MRPL42: variants seen among roughly 807,000 people sequenced by gnomAD.
The protein encoded by MRPL42 is mitochondrial ribosomal protein L42.
MRPL42 carries 17 observed loss-of-function variants against 17.9 expected under a neutral mutation model. The ratio of observed to expected loss-of-function variants is 0.95; its 90% CI spans 0.65 to 1.42. The LOEUF is 1.42. Ranked by LOEUF, MRPL42 falls within the 40% of genes most tolerant of loss-of-function variation. MRPL42 has a pLI of 0.00. For missense variants in MRPL42, 177 were observed against 175.2 expected, an observed-to-expected ratio of 1.01 and a Z score of -0.06; for synonymous variants, 59 against 54.4, an observed-to-expected ratio of 1.08 and a Z score of -0.37.
At chr12:93,484,971 C>CATATAT in intron 4 of MRPL42, among the ~76,000 whole-genome samples, 2 of 33,618 alleles carry the variant, frequency 5.9e-5, no homozygotes, top group African/African-American at 9.9e-5. Flanking sequence ...AACACACACA[C>CATATAT]ACACACACAT....
rs1953324594 is a variant in MRPL42 at position 93,487,503 on chromosome 12, C to G, written c.226C>G (p.Pro76Ala). The stretch of plus-strand genomic sequence containing the variant: ...GTTACTGATTATTTTGTAGCCTATC[C>G]CTCGGCCAGATCCTGTGCATAATAA... ...DIPYEHTKPI[P>A]RPDPVHNNEE... The change falls in exon 5 of 6, where the codon CCT becomes GCT. Residue 76 changes from proline to alanine, a missense_variant. Pro to Ala is a conservative substitution (Grantham distance 27). Transcript: ENST00000549982. 6.2e-7 allele frequency: 1 copy of G among 1,609,736 alleles called. No individual in the cohort carries two copies. Among genetic ancestry groups the G allele is most frequent in the African/African-American group, 1.3e-5 (1 of 74,756 alleles).
intron 1 of MRPL42, among the ~76,000 whole-genome samples, chr12:93,468,850 A>G (rs2121151932): frequency 6.6e-6 from 1 of 152,314 alleles, no homozygotes; most frequent in South Asian, 2.1e-4. Flanking sequence ...CAGCCACACT[A>G]GCATTAAAAG....
At chr12:93,468,920 G>C (rs1357709145) in intron 1 of MRPL42, among the ~76,000 whole-genome samples, 1 of 152,164 alleles carries the variant, frequency 6.6e-6, no homozygotes, top group Non-Finnish European at 1.5e-5. Flanking sequence ...CACATTTACT[G>C]AGTATTCATT....
intron 4 of MRPL42, among the ~76,000 whole-genome samples, chr12:93,481,674 A>G (rs2121205873): frequency 6.6e-6 from 1 of 152,188 alleles, no homozygotes; most frequent in African/African-American, 2.4e-5. Context: ...TACATCAGCT[A>G]CCCACTTCCA....
At chr12:93,477,663 C>T (rs1880246642) in intron 3 of MRPL42, among the ~76,000 whole-genome samples, 1 of 152,022 alleles carries the variant, frequency 6.6e-6, no homozygotes, top group East Asian at 1.9e-4. Flanking sequence ...GTGGTGTGAT[C>T]TTGGCTCACT....
At chr12:93,500,948 A>C in intron 5 of MRPL42, 2 of 403,874 alleles carry the variant, frequency 5.0e-6, no homozygotes, top group Non-Finnish European at 9.0e-6. Context: ...CAGCCTGGGC[A>C]ATAAAGCAAG....
chr12:93,472,804 T>C (rs1246973551), intron 2 of MRPL42, among the ~76,000 whole-genome samples: 1 of 152,154 alleles, frequency 6.6e-6, no homozygotes, highest in Non-Finnish European at 1.5e-5. Flanking sequence ...TTTCAAAGCA[T>C]GTTAAGCCAT....
At chr12:93,472,173 A>G (rs73367718) in intron 2 of MRPL42, among the ~76,000 whole-genome samples, 1,631 of 152,272 alleles carry the variant, frequency 0.011, 31 homozygotes, top group African/African-American at 0.037. Flanking sequence ...CAAAATATCT[A>G]GTTAACTAAG....
At chr12:93,500,425 A>T (rs1953567541) in intron 5 of MRPL42, among the ~76,000 whole-genome samples, 1 of 152,174 alleles carries the variant, frequency 6.6e-6, no homozygotes, top group Admixed American at 6.5e-5. Context: ...ATGATTTTTA[A>T]CATGTTTGTG....
chr12:93,469,396 T>C (rs749591698), intron 2 of MRPL42, 41 bp downstream of exon 2: 1 of 1,433,476 alleles, frequency 7.0e-7, no homozygotes, highest in South Asian at 1.3e-5. Context: ...CTTTTAAACT[T>C]TTAAGAATTA....
Position 93,487,493 on chromosome 12 carries a change from G to T in MRPL42, c.220-4G>T. On this transcript the variant is annotated splice_polypyrimidine_tract_variant and splice_region_variant and intron_variant, in intron 4 of 5. Transcript: ENST00000549982. Reference sequence around the variant, plus strand: ...CATGATGTTTGTTACTGATTATTTTGTAGCCTATCCCTCGGCCAGATCCTG... The same window carrying T: ...CATGATGTTTGTTACTGATTATTTTTTAGCCTATCCCTCGGCCAGATCCTG... The T allele has an allele frequency of 6.2e-7, 1 of 1,605,722 alleles. No homozygotes were observed. Among genetic ancestry groups the T allele is most frequent in the African/African-American group, 1.3e-5 (1 of 74,496 alleles).
At chr12:93,468,506 A>G (rs1253125617) in intron 1 of MRPL42, among the ~76,000 whole-genome samples, 5 of 152,200 alleles carry the variant, frequency 3.3e-5, no homozygotes, top group African/African-American at 1.2e-4. Flanking sequence ...CTTGGAAGCA[A>G]GACGTTTAAA....
chr12:93,500,878 G>A (rs963410354), intron 5 of MRPL42: 34 of 208,714 alleles, frequency 1.6e-4, no homozygotes, highest in Non-Finnish European at 2.7e-4. Context: ...AGGAGCCCTT[G>A]TGCCAGGAGT....
At chr12:93,497,065 T>C (rs1158892717) in intron 5 of MRPL42, among the ~76,000 whole-genome samples, 1 of 152,030 alleles carries the variant, frequency 6.6e-6, no homozygotes, top group East Asian at 1.9e-4. Flanking sequence ...ATTCTGAAAC[T>C]GAATCAGTAA....
At chr12:93,478,436 A>G (rs904873764) in intron 3 of MRPL42, among the ~76,000 whole-genome samples, 1 of 151,574 alleles carries the variant, frequency 6.6e-6, no homozygotes, top group Admixed American at 6.6e-5. Context: ...TTTTTTGTAG[A>G]GACAGGATTT....
intron 2 of MRPL42, among the ~76,000 whole-genome samples, chr12:93,472,853 A>G (rs1879975483): frequency 1.3e-5 from 2 of 152,184 alleles, no homozygotes; most frequent in Admixed American, 1.3e-4. Context: ...TAGCCCATGT[A>G]GTATTATCCT....
At chr12:93,487,931 G>A (rs951441717) in intron 5 of MRPL42, 4 of 292,098 alleles carry the variant, frequency 1.4e-5, no homozygotes, top group Admixed American at 1.0e-4. Flanking sequence ...CGAGTAGCTA[G>A]TACTACAGGC....
intron 2 of MRPL42, among the ~76,000 whole-genome samples, chr12:93,471,085 A>G (rs1027689549): frequency 6.6e-6 from 1 of 152,264 alleles, no homozygotes; most frequent in Non-Finnish European, 1.5e-5. Context: ...GCAATTTGTT[A>G]TGCTTGAGAC....
At chr12:93,476,916 A>G in intron 2 of MRPL42, 38 bp from the exon 3 acceptor site, 1 of 1,553,058 alleles carries the variant, frequency 6.4e-7, no homozygotes, top group South Asian at 1.1e-5. Context: ...ATATGCTCAA[A>G]TTAACCAAAT....
Sources: gnomAD v4.1 joint callset for allele counts (sites outside exome capture counted in the v4.1 genomes callset) on GRCh38, gnomAD v4.1.1 for gene constraint, MANE v1.5 for transcripts, NCBI Gene and HGNC (gene_info 2026-07-23, HGNC 2026-07-21) for gene names.